HIF1A: variants seen among roughly 807,000 people sequenced by gnomAD.
HIF1A encodes hypoxia-inducible factor 1-alpha.
Under a neutral mutation model 92.7 loss-of-function variants are expected in HIF1A, and 24 were observed. The ratio of observed to expected loss-of-function variants is 0.26; its 90% CI spans 0.19 to 0.36. The LOEUF (loss-of-function observed/expected upper bound fraction) is 0.36. Ranked by LOEUF, HIF1A falls within the 10% of genes least tolerant of loss-of-function variation. The pLI is 1.00. For missense variants in HIF1A, 799 were observed against 998.5 expected, an observed-to-expected ratio of 0.80 and a Z score of 2.69; for synonymous variants, 319 against 338.7, an observed-to-expected ratio of 0.94 and a Z score of 0.64.
At chr14:61,705,251 A>G (rs1254438463) in intron 1 of HIF1A, among the ~76,000 whole-genome samples, 1 of 152,166 alleles carries the variant, frequency 6.6e-6, no homozygotes, top group Non-Finnish European at 1.5e-5. Context: ...GTTTGATCAT[A>G]AACAAATGCA....
rs1320936494 is a variant in HIF1A at position 61,732,435 on chromosome 14, G to T, written c.791G>T (p.Gly264Val). ...ACTAACAGAATTACCGAATTGATGG[G>T]ATATGAGCCAGAAGAACTTTTAGGC... ...YCDERITELMGYEPEELLGRS... is the reference protein window; with the variant it reads ...YCDERITELMVYEPEELLGRS... The change falls in exon 7 of 15, where the codon GGA (glycine) becomes GTA (valine). Residue 264 changes from glycine (G) to valine (V), a missense_variant. Gly to Val is a moderately radical substitution (Grantham distance 109, BLOSUM62 -3). This residue lies in a region of HIF1A where 516 missense variants were observed against 721.0 expected (regional missense o/e 0.72). Transcript: ENST00000337138. 6.2e-7 allele frequency: 1 copy of T among 1,605,258 alleles called. No homozygotes were observed. The highest frequency in any genetic ancestry group is 8.5e-7 in the Non-Finnish European group (1 of 1,172,438).
chr14:61,697,098 T>C (rs1410866950), intron 1 of HIF1A, among the ~76,000 whole-genome samples: 1 of 152,228 alleles, frequency 6.6e-6, no homozygotes, highest in African/African-American at 2.4e-5. Context: ...TCCACTCTTC[T>C]GGCAGAGAGA....
chr14:61,695,569 GGCCA>G lies in HIF1A; in HGVS notation c.-234_-231del, dbSNP rs1173750823. 4 of 582,244 alleles carry G rather than the reference GGCCA, an allele frequency of 6.9e-6. No individual in the cohort carries two copies. Among genetic ancestry groups the G allele is most frequent in the Non-Finnish European group, 1.2e-5 (4 of 328,854 alleles). The allele number at this position is 582,244 out of a possible 1,614,324, so 36.1% of individuals were successfully genotyped here. A position where few individuals can be genotyped will look rare whatever the true frequency, so the allele number is the denominator to read the frequency against. ...GGAGGATCACCCTCTTCGTCGCTTC[GGCCA>G]GTGTGTCGGGCTGGGCCCTGACAAG... is the stretch of plus-strand genomic sequence containing the variant. On this transcript the variant is annotated 5_prime_UTR_variant, in exon 1 of 15. Transcript: ENST00000337138.
At chr14:61,718,538 GTTTT>G (rs1242613577) in intron 1 of HIF1A, among the ~76,000 whole-genome samples, 1 of 151,934 alleles carries the variant, frequency 6.6e-6, no homozygotes, top group Non-Finnish European at 1.5e-5. Context: ...CATCATACTT[GTTTT>G]TTTATTTTAC....
chr14:61,711,834 TGTC>T (rs2044311880), intron 1 of HIF1A, among the ~76,000 whole-genome samples: 2 of 152,364 alleles, frequency 1.3e-5, no homozygotes, highest in South Asian at 4.1e-4. Flanking sequence ...CAGAATTAGC[TGTC>T]ATAATCAGTT....
chr14:61,747,106 C>CT lies in HIF1A; in HGVS notation c.*28dup, dbSNP rs779790779. ...ACTGAGCTTTTTCTTAATTTCATTC[C>CT]TTTTTTTGGACACTGGTGGCTCATT... On this transcript the variant is annotated 3_prime_UTR_variant, in exon 15 of 15. Transcript: ENST00000337138. 1 of 1,586,946 alleles carries CT rather than the reference C, an allele frequency of 6.3e-7. No individual in the cohort carries two copies. The highest frequency in any genetic ancestry group is 8.6e-7 in the Non-Finnish European group (1 of 1,168,754).
chr14:61,732,420 T>C lies in HIF1A; in HGVS notation c.776T>C (p.Ile259Thr). The C allele has an allele frequency of 6.3e-7, 1 of 1,592,644 alleles. No homozygotes were observed. Among genetic ancestry groups the C allele is most frequent in the Non-Finnish European group, 8.6e-7 (1 of 1,162,270 alleles). The change falls in exon 7 of 15, where the codon ATT becomes ACT. Residue 259 changes from isoleucine to threonine, a missense_variant and splice_region_variant. This residue lies in a region of HIF1A where 516 missense variants were observed against 721.0 expected (regional missense o/e 0.72). Transcript: ENST00000337138. The stretch of plus-strand genomic sequence containing the variant: ...AATCTTGTATTTTTTACTAACAGAA[T>C]TACCGAATTGATGGGATATGAGCCA... ...DMKFSYCDER[I>T]TELMGYEPEE... is the part of the protein sequence containing the mutation.
Position 61,745,825 on chromosome 14 carries a change from T to G in HIF1A, c.2329+8T>G, listed in dbSNP as rs1230224224. 6.2e-7 allele frequency: 1 copy of G among 1,601,140 alleles called. No homozygotes were observed. The highest frequency in any genetic ancestry group is 1.3e-5 in the African/African-American group (1 of 74,432). On this transcript the variant is annotated splice_region_variant and intron_variant, in intron 14 of 14. Coordinates refer to ENST00000337138, the MANE Select transcript of HIF1A (RefSeq NM_001530.4). ...TTATTTTAATACCCTCTGGTTAGTTTATTCTTTTTGACCTTGAACATCACA... is the reference window on the plus strand; with the variant it reads ...TTATTTTAATACCCTCTGGTTAGTTGATTCTTTTTGACCTTGAACATCACA...
At position 61,734,709 on chromosome 14, in the gene HIF1A, A is replaced by G. The variant is rs1159041428; in HGVS notation, c.1028+424A>G. 2.6e-5 allele frequency among the ~76,000 whole-genome samples: 4 copies of G among 151,638 alleles called. No individual in the cohort carries two copies. In the East Asian group the frequency reaches 7.7e-4, roughly 29 times the overall value. On this transcript the variant is annotated intron_variant, in intron 8 of 14. Transcript: ENST00000337138. ...AAGTCTCTTCATTTTTCTGAATTTCATCTATGTAGATAATCCTTCAGAAGG... is the reference window on the plus strand; with the variant it reads ...AAGTCTCTTCATTTTTCTGAATTTCGTCTATGTAGATAATCCTTCAGAAGG...
At chr14:61,743,261 G>A (rs1594888766) in intron 12 of HIF1A, among the ~76,000 whole-genome samples, 1 of 152,026 alleles carries the variant, frequency 6.6e-6, no homozygotes, top group East Asian at 1.9e-4. Flanking sequence ...AGTAGAGACA[G>A]TGTTTCTCCA....
chr14:61,745,855 C>CA, intron 14 of HIF1A, 38 bp downstream of exon 14: 1 of 1,516,110 alleles, frequency 6.6e-7, no homozygotes, highest in Non-Finnish European at 9.1e-7. Flanking sequence ...ATCACAAAGA[C>CA]AAAATACATG....
chr14:61,707,793 A>G (rs2140123904), intron 1 of HIF1A, among the ~76,000 whole-genome samples: 1 of 151,382 alleles, frequency 6.6e-6, no homozygotes, highest in Non-Finnish European at 1.5e-5. Flanking sequence ...TTATAGCAGC[A>G]TGATTTATAA....
chr14:61,738,171 A>C lies in HIF1A; in HGVS notation c.1334A>C (p.Asn445Thr), dbSNP rs775520128. 5 of 1,614,148 alleles carry C rather than the reference A, an allele frequency of 3.1e-6. No homozygotes were observed. Among genetic ancestry groups the C allele is most frequent in the Non-Finnish European group, 4.2e-6 (5 of 1,180,018 alleles). The change falls in exon 10 of 15, where the codon AAT (asparagine) becomes ACT (threonine). Residue 445 changes from asparagine (N) to threonine (T), a missense_variant. Physicochemically the swap from Asn to Thr is moderately conservative, Grantham distance 65 (BLOSUM62 0). This residue lies in a region of HIF1A where 516 missense variants were observed against 721.0 expected (regional missense o/e 0.72). Coordinates refer to ENST00000337138, the MANE Select transcript of HIF1A (RefSeq NM_001530.4). ...CCCTCACCCAACGAAAAATTACAGA[A>C]TATAAATTTGGCAATGTCTCCATTA... ...MLPSPNEKLQ[N>T]INLAMSPLPT...
intron 4 of HIF1A, 75 bp from the exon 5 acceptor site, chr14:61,726,631 G>A: frequency 2.5e-6 from 2 of 810,516 alleles, no homozygotes; most frequent in East Asian, 2.7e-5. Flanking sequence ...TCTAGGTGAT[G>A]GGCACTTTGT....
chr14:61,746,449 G>C (rs2044791402), intron 14 of HIF1A, among the ~76,000 whole-genome samples: 1 of 142,486 alleles, frequency 7.0e-6, no homozygotes, highest in South Asian at 2.2e-4. Context: ...CAGGCCTGGA[G>C]TGCAGTGGCA....
intron 5 of HIF1A, 57 bp downstream of exon 5, chr14:61,726,875 G>A: frequency 3.1e-6 from 3 of 963,920 alleles, no homozygotes; most frequent in Non-Finnish European, 4.7e-6. Flanking sequence ...AGACATTGTA[G>A]TATTAAGATA....
chr14:61,732,919 T>TA (rs2044593758), intron 7 of HIF1A, among the ~76,000 whole-genome samples: 1 of 152,168 alleles, frequency 6.6e-6, no homozygotes, highest in Non-Finnish European at 1.5e-5. Context: ...AGTACCATTT[T>TA]AAAAAATGCT....
Position 61,747,298 on chromosome 14 carries a change from GT to G in HIF1A, c.*219del. ...GGATCACAGACAGCTCATTTTCTCA[GT>G]TTTTTGGTATTTAAACCATTGCATT... On this transcript the variant is annotated 3_prime_UTR_variant, in exon 15 of 15. Transcript: ENST00000337138. 1 of 370,480 alleles carries G rather than the reference GT, an allele frequency of 2.7e-6. No individual in the cohort carries two copies. The highest frequency in any genetic ancestry group is 4.8e-6 in the Non-Finnish European group (1 of 208,718). The allele number at this position is 370,480 out of a possible 1,614,324, so 22.9% of individuals were successfully genotyped here. A position where few individuals can be genotyped will look rare whatever the true frequency, so the allele number is the denominator to read the frequency against.
intron 14 of HIF1A, among the ~76,000 whole-genome samples, chr14:61,746,275 TAC>T (rs2044785975): frequency 6.6e-6 from 1 of 150,526 alleles, no homozygotes; most frequent in Non-Finnish European, 1.5e-5. Context: ...ATGGTCTTAA[TAC>T]AGAGATTAAC....
Sources: gnomAD v4.1 joint callset for allele counts (sites outside exome capture counted in the v4.1 genomes callset) on GRCh38, gnomAD v4.1.1 for gene constraint, gnomAD v4.1.1 regional missense constraint, MANE v1.5 for transcripts, NCBI Gene and HGNC (gene_info 2026-07-23, HGNC 2026-07-21) for gene names.